The following KIF13A variants were observed in gnomAD, a reference collection of about 807,000 sequenced individuals.
KIF13A encodes kinesin-like protein KIF13A.
A neutral mutation model predicts 212.2 loss-of-function variants in KIF13A; 79 were observed. The ratio of observed to expected loss-of-function variants is 0.37; its 90% CI spans 0.31 to 0.45. KIF13A has a LOEUF of 0.45. Ranked by LOEUF, KIF13A falls within the 20% of genes least tolerant of loss-of-function variation. The probability of loss-of-function intolerance (pLI) is 1.00; values close to 1 mark genes in which losing one functional copy is unlikely to be tolerated. For missense variants in KIF13A, 1,901 were observed against 2,209.0 expected, an observed-to-expected ratio of 0.86 and a Z score of 2.79; for synonymous variants, 789 against 808.6, an observed-to-expected ratio of 0.98 and a Z score of 0.41.
chr6:17,970,195 T>C (rs1779689401), intron 2 of KIF13A, among the ~76,000 whole-genome samples: 1 of 152,196 alleles, frequency 6.6e-6, no homozygotes, highest in Non-Finnish European at 1.5e-5. Context: ...GTGCTGGGAT[T>C]ACAGGCGTGA....
chr6:17,916,156 T>C (rs1774498382), intron 2 of KIF13A, among the ~76,000 whole-genome samples: 2 of 152,178 alleles, frequency 1.3e-5, no homozygotes, highest in African/African-American at 4.8e-5. Context: ...CATGGCAGTA[T>C]TATTCTCTAG....
intron 3 of KIF13A, among the ~76,000 whole-genome samples, chr6:17,875,295 C>G (rs555737142): frequency 6.6e-6 from 1 of 151,826 alleles, no homozygotes; most frequent in African/African-American, 2.4e-5. Flanking sequence ...CCCTGTTGAC[C>G]GCATCCACAC....
rs1431793067 is a variant in KIF13A, at chr6:17,794,501, T to C, written c.3075+71A>G. 35 of 1,556,482 alleles carry C rather than the reference T, an allele frequency of 2.2e-5. No homozygotes were observed. The highest frequency in any genetic ancestry group is 2.9e-5 in the Non-Finnish European group (33 of 1,150,562). ...AATAAAGATACAAATAGTTAGAAAA[T>C]CCCCAGAAACAATGTGTAAGAGTGG... On this transcript the variant is annotated intron_variant, in intron 24 of 38. Transcript: ENST00000259711. This position sits in a 1 kb window ranked among gnomAD's most constrained non-coding sequence, Gnocchi z 4.1.
chr6:17,956,631 T>C (rs1224541222), intron 2 of KIF13A, among the ~76,000 whole-genome samples: 2 of 152,314 alleles, frequency 1.3e-5, no homozygotes, highest in East Asian at 3.9e-4. Flanking sequence ...CTTGTTACAG[T>C]CCTTTGCTAT....
At position 17,987,163 on chromosome 6, in the gene KIF13A, G is replaced by A. The variant is rs772695890; in HGVS notation, c.56-19C>T. 1.9e-6 allele frequency: 3 copies of A among 1,593,984 alleles called. No homozygotes were observed. The African/African-American group carries it at 4.0e-5, about 21-fold the overall frequency. ...TCCAGTTCTGAAAGCAGAGAGAAAG[G>A]GACGTTGCAAAGTCCAGCATCCGCG... On this transcript the variant is annotated intron_variant, in intron 1 of 38. Coordinates refer to ENST00000259711, the MANE Select transcript of KIF13A (RefSeq NM_022113.6). The surrounding 1 kb of genome is among the most constrained non-coding windows in gnomAD (Gnocchi z 7.7).
At chr6:17,821,892 T>C (rs201257361) in intron 16 of KIF13A, 6 of 1,535,318 alleles carry the variant, frequency 3.9e-6, no homozygotes, top group East Asian at 4.9e-5. Flanking sequence ...ACAGGCTTAT[T>C]ATCGGGAAGC....
intron 4 of KIF13A, among the ~76,000 whole-genome samples, chr6:17,858,240 C>G (rs1448445478): frequency 6.6e-6 from 1 of 152,058 alleles, no homozygotes; most frequent in Non-Finnish European, 1.5e-5. Flanking sequence ...CTTCTACCAT[C>G]TAGCATAGAT....
rs146007964 is a variant in KIF13A at position 17,958,707 on chromosome 6, T to C, written c.146+28347A>G. On this transcript the variant is annotated intron_variant, in intron 2 of 38. Transcript: ENST00000259711. ...AATATACAATGTGATATTTCAATTA[T>C]ATGATTTATTCTTATACTTTAATTC... Among the ~76,000 whole-genome samples, 1,069 of 152,302 alleles carry C rather than the reference T, an allele frequency of 7.0e-3. 9 individuals carry two copies. Among genetic ancestry groups the C allele is most frequent in the South Asian group, 0.049 (237 of 4,824 alleles).
In KIF13A at chr6:17,804,048, A is replaced by G. The variant is rs372846572; in HGVS notation, c.2454+313T>C. 5.5e-3 allele frequency among the ~76,000 whole-genome samples: 830 copies of G among 152,290 alleles called. 8 individuals carry two copies. Among genetic ancestry groups the G allele is most frequent in the Middle Eastern group, 0.027 (8 of 294 alleles). On this transcript the variant is annotated intron_variant, in intron 20 of 38. Coordinates refer to ENST00000259711, the MANE Select transcript of KIF13A (RefSeq NM_022113.6). Reference sequence around the variant, plus strand: ...GCGCCTGTAGTCCCAGCTACTCGGGAGGCTGAGGCAAGAGAATGGCGTGAA... The same window carrying G: ...GCGCCTGTAGTCCCAGCTACTCGGGGGGCTGAGGCAAGAGAATGGCGTGAA...
In KIF13A at chr6:17,783,259, G is replaced by C. The variant is rs1350213290; in HGVS notation, c.3544+387C>G. The stretch of plus-strand genomic sequence containing the variant: ...TTGCAATATGAAGGACAACCCCTAA[G>C]GCAGGGTTATAGTGTGATCACTTCT... On this transcript the variant is annotated intron_variant, in intron 29 of 38. Transcript: ENST00000259711. This position sits in a 1 kb window ranked among gnomAD's most constrained non-coding sequence, Gnocchi z 4.3. Among the ~76,000 whole-genome samples the C allele has an allele frequency of 3.9e-5, 6 of 152,332 alleles. No homozygotes were observed. Among genetic ancestry groups the C allele is most frequent in the Non-Finnish European group, 7.3e-5 (5 of 68,036 alleles).
At chr6:17,964,038 T>G (rs1779085242) in intron 2 of KIF13A, among the ~76,000 whole-genome samples, 1 of 152,138 alleles carries the variant, frequency 6.6e-6, no homozygotes, top group African/African-American at 2.4e-5. Context: ...GATAGCTTGA[T>G]TCCAGGAGGT....
intron 31 of KIF13A, among the ~76,000 whole-genome samples, chr6:17,780,402 C>T (rs1043204225): frequency 1.3e-5 from 2 of 152,184 alleles, no homozygotes; most frequent in African/African-American, 4.8e-5. Flanking sequence ...TGCCTTTTGT[C>T]CTGGTTTTGT....
At chr6:17,873,356 G>A (rs1472569590) in intron 4 of KIF13A, 21 bp downstream of exon 4, 5 of 1,555,126 alleles carry the variant, frequency 3.2e-6, no homozygotes, top group Middle Eastern at 1.7e-4. Flanking sequence ...CAACTGTCAG[G>A]TGTAGAGGGA....
intron 2 of KIF13A, among the ~76,000 whole-genome samples, chr6:17,977,151 C>T (rs977579356): frequency 1.3e-5 from 2 of 150,444 alleles, no homozygotes; most frequent in Non-Finnish European, 3.0e-5. Flanking sequence ...TGCACATTCC[C>T]AGGCTCCACC....
chr6:17,822,544 G>GA (rs1764553534), intron 16 of KIF13A, among the ~76,000 whole-genome samples: 1 of 152,136 alleles, frequency 6.6e-6, no homozygotes, highest in African/African-American at 2.4e-5. Flanking sequence ...TAAGAAGGTA[G>GA]TAATTGATTC....
At chr6:17,832,437 G>C (rs999717548) in intron 12 of KIF13A, among the ~76,000 whole-genome samples, 1 of 152,030 alleles carries the variant, frequency 6.6e-6, no homozygotes, top group Non-Finnish European at 1.5e-5. Flanking sequence ...AGGAGTTTGA[G>C]ACCAGCCTGG....
Position 17,794,467 on chromosome 6 carries a change from G to C in KIF13A, c.3076-72C>G. ...AGGAACGGGATAAAGAAGGGGAAAAGGATTAGAGAATAAAGATACAAATAG... is the reference window on the plus strand; with the variant it reads ...AGGAACGGGATAAAGAAGGGGAAAACGATTAGAGAATAAAGATACAAATAG... On this transcript the variant is annotated intron_variant, in intron 24 of 38. Coordinates refer to ENST00000259711, the MANE Select transcript of KIF13A (RefSeq NM_022113.6). This position sits in a 1 kb window ranked among gnomAD's most constrained non-coding sequence, Gnocchi z 4.1. 1.3e-6 allele frequency: 2 copies of C among 1,566,742 alleles called. No individual in the cohort carries two copies. The highest frequency in any genetic ancestry group is 1.8e-5 in the Admixed American group (1 of 54,782).
chr6:17,783,639 T>A lies in KIF13A; in HGVS notation c.3544+7A>T, dbSNP rs752685130. On this transcript the variant is annotated splice_region_variant and intron_variant, in intron 29 of 38. Coordinates refer to ENST00000259711, the MANE Select transcript of KIF13A (RefSeq NM_022113.6). This position sits in a 1 kb window ranked among gnomAD's most constrained non-coding sequence, Gnocchi z 4.3. ...AATAATCCCTGTGACTTTAAGTGTC[T>A]ACTTACCATTCAAATCGAGGAAGAG... 1 of 1,551,616 alleles carries A rather than the reference T, an allele frequency of 6.4e-7. No individual in the cohort carries two copies. The highest frequency in any genetic ancestry group is 8.8e-7 in the Non-Finnish European group (1 of 1,136,002).
rs919598481 is a variant in KIF13A at position 17,798,322 on chromosome 6, T to A, written c.2790+944A>T. On this transcript the variant is annotated intron_variant, in intron 22 of 38. Coordinates refer to ENST00000259711, the MANE Select transcript of KIF13A (RefSeq NM_022113.6). Reference sequence around the variant, plus strand: ...GCTGTTAACCAGGACACAGTTAAAATTCAGATTTCATCTTTCTAAACAAGC... The same window carrying A: ...GCTGTTAACCAGGACACAGTTAAAAATCAGATTTCATCTTTCTAAACAAGC... Among the ~76,000 whole-genome samples, 5 of 152,256 alleles carry A rather than the reference T, an allele frequency of 3.3e-5. 1 individual carries two copies. Among genetic ancestry groups the A allele is most frequent in the South Asian group, 4.1e-4 (2 of 4,824 alleles).
Sources: allele counts gnomAD v4.1 joint callset (sites outside exome capture counted in the v4.1 genomes callset), GRCh38; gene constraint gnomAD v4.1.1; non-coding constraint Gnocchi (gnomAD v3.1); transcripts MANE v1.5; gene names NCBI Gene and HGNC (gene_info 2026-07-23, HGNC 2026-07-21).